Variants in TMEM207 observed in about 807,000 individuals in gnomAD.
TMEM207 encodes the protein SRSR846.
A neutral mutation model predicts 17.4 loss-of-function variants in TMEM207; 15 were observed. The ratio of observed to expected loss-of-function variants is 0.86; its 90% CI spans 0.58 to 1.33. The LOEUF is 1.33. Among genes scored for constraint, TMEM207 ranks in the 40% most tolerant of loss-of-function variants. TMEM207 has a pLI of 0.00. For missense variants in TMEM207, 205 were observed against 173.8 expected (o/e 1.18, Z -1.01); for synonymous variants, 70 against 65.6 (o/e 1.07, Z -0.33).
intron 2 of TMEM207, among the ~76,000 whole-genome samples, chr3:190,446,896 T>C (rs1056579720): frequency 3.3e-5 from 5 of 152,174 alleles, no homozygotes; most frequent in Non-Finnish European, 5.9e-5. Flanking sequence ...AATACTCTGT[T>C]ACATCACAAA....
At chr3:190,448,761 T>TC (rs1415993878) in intron 1 of TMEM207, among the ~76,000 whole-genome samples, 2 of 152,066 alleles carry the variant, frequency 1.3e-5, no homozygotes, top group South Asian at 4.1e-4. Flanking sequence ...ATGTGTCTTT[T>TC]CCCCCCTTAA....
In TMEM207 at chr3:190,429,150, T is replaced by A. The variant is rs1477455114; in HGVS notation, c.*445A>T. ...TCCCCTCACCTTCATTCAAATACTA[T>A]CTTTCTGGTTCTGGTTCTGGACATG... On this transcript the variant is annotated 3_prime_UTR_variant, in exon 5 of 5. Transcript: ENST00000354905. 1.3e-5 allele frequency: 2 copies of A among 153,586 alleles called. No individual in the cohort carries two copies. The highest frequency in any genetic ancestry group is 2.9e-5 in the Non-Finnish European group (2 of 68,966). The allele number at this position is 153,586 out of a possible 1,614,324, so 9.5% of individuals were successfully genotyped here. A position where few individuals can be genotyped will look rare whatever the true frequency, so the allele number is the denominator to read the frequency against.
chr3:190,429,881 T>C, intron 4 of TMEM207, 150 bp from the exon 5 acceptor site: 1 of 992,896 alleles, frequency 1.0e-6, no homozygotes, highest in East Asian at 2.9e-5. Flanking sequence ...ACTATCTTGC[T>C]CTTTGCAGTG....
In TMEM207 at chr3:190,443,154, T is replaced by TG. The variant is rs200962009; in HGVS notation, c.114-1673_114-1672insC. Among the ~76,000 whole-genome samples, 659 of 151,884 alleles carry TG rather than the reference T, an allele frequency of 4.3e-3. 5 individuals carry two copies. The highest frequency in any genetic ancestry group is 0.015 in the African/African-American group (637 of 41,408). On this transcript the variant is annotated intron_variant, in intron 2 of 4. Coordinates refer to ENST00000354905, the MANE Select transcript of TMEM207 (RefSeq NM_207316.3). ...GACACAATTAAAAAAGCTTTTTTTT[T>TG]TTTTTGTTTTGTTTTGTTTTGTTTT...
At chr3:190,443,354 AT>A (rs11343024) in intron 2 of TMEM207, among the ~76,000 whole-genome samples, 28,647 of 149,802 alleles carry the variant, frequency 0.19, 3,131 homozygotes, top group Middle Eastern at 0.31. Flanking sequence ...AAGGCCCTCT[AT>A]TTTTTTTTCT....
rs1719936983 is a variant in TMEM207 at position 190,441,500 on chromosome 3, G to A, written c.114-18C>T. 3.1e-6 allele frequency: 5 copies of A among 1,606,524 alleles called. No homozygotes were observed. Among genetic ancestry groups the A allele is most frequent in the Non-Finnish European group, 4.3e-6 (5 of 1,175,476 alleles). On this transcript the variant is annotated intron_variant, in intron 2 of 4. Coordinates refer to ENST00000354905, the MANE Select transcript of TMEM207 (RefSeq NM_207316.3). Reference sequence around the variant, plus strand: ...TTACACACCTGGTGATAAAGGGAGAGCGTTAGTCCTGGAACTCAGGATAGC... The same window carrying A: ...TTACACACCTGGTGATAAAGGGAGAACGTTAGTCCTGGAACTCAGGATAGC...
At chr3:190,444,015 T>C (rs1327645646) in intron 2 of TMEM207, among the ~76,000 whole-genome samples, 1 of 152,198 alleles carries the variant, frequency 6.6e-6, no homozygotes, top group Non-Finnish European at 1.5e-5. Context: ...ATACGAATGG[T>C]TAGATGAGTT....
intron 4 of TMEM207, among the ~76,000 whole-genome samples, chr3:190,438,159 A>G (rs1442226349): frequency 6.6e-6 from 1 of 151,664 alleles, no homozygotes; most frequent in East Asian, 1.9e-4. Context: ...TGGCGAGTTA[A>G]TGGGTGTAGC....
At chr3:190,441,336 T>C (rs891233105) in intron 3 of TMEM207, 102 bp downstream of exon 3, 1 of 956,698 alleles carries the variant, frequency 1.0e-6, no homozygotes, top group African/African-American at 1.7e-5. Context: ...ACCCCTAATC[T>C]TTCCTTAAGC....
At chr3:190,446,218 A>G (rs1410016097) in intron 2 of TMEM207, among the ~76,000 whole-genome samples, 2 of 152,204 alleles carry the variant, frequency 1.3e-5, no homozygotes, top group African/African-American at 2.4e-5. Flanking sequence ...AGTGTATTTT[A>G]TCAGGAGATA....
At chr3:190,445,142 T>C (rs1720017542) in intron 2 of TMEM207, among the ~76,000 whole-genome samples, 1 of 152,224 alleles carries the variant, frequency 6.6e-6, no homozygotes, top group Non-Finnish European at 1.5e-5. Context: ...TTTCCTACTC[T>C]TGAGTAAGAT....
chr3:190,431,142 G>T lies in TMEM207; in HGVS notation c.305-1411C>A, dbSNP rs1719683763. Reference sequence around the variant, plus strand: ...TTTAGTATATATGTCTCACCTTCTGGTTTAGCACTTTTCTTAGAGTTATCT... The same window carrying T: ...TTTAGTATATATGTCTCACCTTCTGTTTTAGCACTTTTCTTAGAGTTATCT... On this transcript the variant is annotated intron_variant, in intron 4 of 4. Coordinates refer to ENST00000354905, the MANE Select transcript of TMEM207 (RefSeq NM_207316.3). Among the ~76,000 whole-genome samples the T allele has an allele frequency of 2.0e-5, 3 of 152,136 alleles. 1 individual carries two copies. The East Asian group carries it at 5.8e-4, about 29-fold the overall frequency.
At chr3:190,429,984 T>C (rs983545105) in intron 4 of TMEM207, among the ~76,000 whole-genome samples, 2 of 152,154 alleles carry the variant, frequency 1.3e-5, no homozygotes, top group Non-Finnish European at 2.9e-5. Flanking sequence ...ATTTACAATT[T>C]AGGAGCTGAA....
At chr3:190,430,398 C>T (rs914955653) in intron 4 of TMEM207, among the ~76,000 whole-genome samples, 1 of 151,728 alleles carries the variant, frequency 6.6e-6, no homozygotes, top group Non-Finnish European at 1.5e-5. Flanking sequence ...TCTAATGGCT[C>T]TTTTGGAAAT....
chr3:190,446,621 C>T (rs1720055974), intron 2 of TMEM207, among the ~76,000 whole-genome samples: 1 of 152,120 alleles, frequency 6.6e-6, no homozygotes, highest in South Asian at 2.1e-4. Context: ...CAGTTGAAGC[C>T]CTACTACTCA....
chr3:190,448,527 T>G (rs776948469), intron 1 of TMEM207, among the ~76,000 whole-genome samples: 4 of 152,178 alleles, frequency 2.6e-5, no homozygotes, highest in Non-Finnish European at 5.9e-5. Flanking sequence ...AAAAAGGCAC[T>G]TCTTTCTAAA....
chr3:190,429,912 G>A (rs1719654300), intron 4 of TMEM207, among the ~76,000 whole-genome samples, 181 bp from the exon 5 acceptor site: 2 of 139,826 alleles, frequency 1.4e-5, no homozygotes, highest in South Asian at 4.6e-4. Flanking sequence ...CACCACAGGG[G>A]GGAAAAAAAA....
At chr3:190,441,383 C>T in intron 3 of TMEM207, 55 bp downstream of exon 3, 15 of 1,400,912 alleles carry the variant, frequency 1.1e-5, no homozygotes, top group Non-Finnish European at 1.3e-5. Context: ...TTATTTAGGA[C>T]AAAGACTGTA....
intron 1 of TMEM207, among the ~76,000 whole-genome samples, chr3:190,448,627 G>T (rs150367292): frequency 6.4e-4 from 97 of 152,228 alleles, no homozygotes; most frequent in African/African-American, 2.2e-3. Context: ...TTTATGTGTA[G>T]CTCTGAACAC....
Sources: allele counts gnomAD v4.1 joint callset (sites outside exome capture counted in the v4.1 genomes callset), GRCh38; gene constraint gnomAD v4.1.1; transcripts MANE v1.5; gene names NCBI Gene and HGNC (gene_info 2026-07-23, HGNC 2026-07-21).